The following RAP1GDS1 variants were observed in gnomAD, a reference collection of about 807,000 sequenced individuals.
The protein encoded by RAP1GDS1 is Rap1 GTPase-GDP dissociation stimulator 1.
RAP1GDS1 carries 35 observed loss-of-function variants against 71.1 expected under a neutral mutation model. That is an observed-to-expected ratio of 0.49 (90% CI 0.38 to 0.65). RAP1GDS1 has a LOEUF of 0.65. RAP1GDS1 is among the 30% of genes least tolerant of loss of function. The pLI, the probability that RAP1GDS1 is intolerant of heterozygous loss-of-function variation, is 0.00. For missense variants in RAP1GDS1, 663 were observed against 706.1 expected, an observed-to-expected ratio of 0.94 and a Z score of 0.69; for synonymous variants, 229 against 243.1, an observed-to-expected ratio of 0.94 and a Z score of 0.54.
At chr4:98,365,934 A>G (rs1250174305) in intron 4 of RAP1GDS1, among the ~76,000 whole-genome samples, 1 of 152,222 alleles carries the variant, frequency 6.6e-6, no homozygotes, top group African/African-American at 2.4e-5. Context: ...GTCTTTAGTG[A>G]CCAGAGAAAC....
At position 98,395,102 on chromosome 4, in the gene RAP1GDS1, A is replaced by G. The variant is rs533726172; in HGVS notation, c.637+3022A>G. Among the ~76,000 whole-genome samples, 174 of 152,294 alleles carry G rather than the reference A, an allele frequency of 1.1e-3. 1 individual carries two copies. In the South Asian group the frequency reaches 0.018, roughly 16 times the overall value. On this transcript the variant is annotated intron_variant, in intron 6 of 14. Coordinates refer to ENST00000408927, the MANE Select transcript of RAP1GDS1 (RefSeq NM_001100427.2). Reference sequence around the variant, plus strand: ...AATCATTTGGAAGGCAGTCTTTTGTATTAGAGAAAAATAATTCTTGATGTA... The same window carrying G: ...AATCATTTGGAAGGCAGTCTTTTGTGTTAGAGAAAAATAATTCTTGATGTA...
intron 2 of RAP1GDS1, among the ~76,000 whole-genome samples, chr4:98,327,164 A>G (rs189437953): frequency 2.0e-5 from 3 of 152,316 alleles, no homozygotes; most frequent in Admixed American, 6.5e-5. Context: ...TTAAAAATCT[A>G]AAGTACAGTA....
intron 5 of RAP1GDS1, among the ~76,000 whole-genome samples, chr4:98,380,056 G>A (rs888318115): frequency 6.7e-6 from 1 of 150,034 alleles, no homozygotes; most frequent in Non-Finnish European, 1.5e-5. Context: ...TATAGTTGTG[G>A]GTCCAAAGAA....
At chr4:98,380,900 T>TA (rs1389729602) in intron 5 of RAP1GDS1, among the ~76,000 whole-genome samples, 14 of 150,994 alleles carry the variant, frequency 9.3e-5, no homozygotes, top group East Asian at 5.8e-4. Context: ...AGGAAGCTGT[T>TA]AAAAAAAAAT....
intron 5 of RAP1GDS1, chr4:98,387,560 G>A: frequency 6.9e-6 from 3 of 436,950 alleles, no homozygotes; most frequent in Non-Finnish European, 1.4e-5. Context: ...CTTTGTATAT[G>A]CATCTGTATT....
At chr4:98,344,934 C>T (rs896066763) in intron 3 of RAP1GDS1, among the ~76,000 whole-genome samples, 2 of 152,178 alleles carry the variant, frequency 1.3e-5, no homozygotes, top group Non-Finnish European at 2.9e-5. Context: ...AAGCAATCCT[C>T]CTATCTCAGC....
chr4:98,393,117 C>T (rs1578710434), intron 6 of RAP1GDS1, among the ~76,000 whole-genome samples: 1 of 152,084 alleles, frequency 6.6e-6, no homozygotes, highest in African/African-American at 2.4e-5. Flanking sequence ...AGCTAAATAC[C>T]GTAGTTACAA....
intron 14 of RAP1GDS1, among the ~76,000 whole-genome samples, chr4:98,437,791 CAAAA>C (rs374755985): frequency 8.0e-6 from 1 of 124,860 alleles, no homozygotes; most frequent in Non-Finnish European, 1.7e-5. Context: ...GACTCTGTCT[CAAAA>C]AAAAAAAAAA....
chr4:98,408,393 A>T (rs1746478999), intron 7 of RAP1GDS1, among the ~76,000 whole-genome samples: 1 of 152,190 alleles, frequency 6.6e-6, no homozygotes, highest in East Asian at 1.9e-4. Context: ...TTGGCCTCCC[A>T]AAATACTGGG....
At chr4:98,331,836 A>C (rs1172090961) in intron 2 of RAP1GDS1, among the ~76,000 whole-genome samples, 1 of 152,228 alleles carries the variant, frequency 6.6e-6, no homozygotes, top group Non-Finnish European at 1.5e-5. Context: ...CAAAAGGTTC[A>C]AAACACTTGA....
intron 2 of RAP1GDS1, among the ~76,000 whole-genome samples, chr4:98,306,829 G>A (rs964640694): frequency 1.4e-4 from 22 of 152,070 alleles, no homozygotes; most frequent in Admixed American, 1.0e-3. Context: ...GGTTCTATTC[G>A]CTCTAGAAAG....
chr4:98,429,492 A>C (rs1750099320), intron 12 of RAP1GDS1, among the ~76,000 whole-genome samples: 1 of 152,080 alleles, frequency 6.6e-6, no homozygotes, highest in Non-Finnish European at 1.5e-5. Flanking sequence ...TTGGGGACTT[A>C]GGGGTAAAGG....
chr4:98,277,285 G>A (rs1169363305), intron 1 of RAP1GDS1, among the ~76,000 whole-genome samples: 3 of 152,080 alleles, frequency 2.0e-5, no homozygotes, highest in Non-Finnish European at 4.4e-5. Context: ...CTGCTCCCCA[G>A]TCCTTTCTAT....
intron 14 of RAP1GDS1, among the ~76,000 whole-genome samples, chr4:98,439,734 T>C (rs1035063968): frequency 6.6e-6 from 1 of 152,250 alleles, no homozygotes; most frequent in African/African-American, 2.4e-5. Flanking sequence ...TATATTTTAG[T>C]TAAAAATTTC....
intron 1 of RAP1GDS1, among the ~76,000 whole-genome samples, chr4:98,263,648 CTTA>C (rs1356208564): frequency 1.3e-5 from 2 of 152,166 alleles, no homozygotes; most frequent in African/African-American, 4.8e-5. Context: ...TGAAAAGTGT[CTTA>C]TTATTTTTTG....
At chr4:98,335,905 G>T (rs1308847109) in intron 2 of RAP1GDS1, among the ~76,000 whole-genome samples, 1 of 151,026 alleles carries the variant, frequency 6.6e-6, no homozygotes, top group Admixed American at 6.6e-5. Context: ...AGATTCCTTG[G>T]ATTACTCATT....
chr4:98,430,844 C>T (rs1750292546), intron 12 of RAP1GDS1, among the ~76,000 whole-genome samples: 1 of 152,216 alleles, frequency 6.6e-6, no homozygotes, highest in South Asian at 2.1e-4. Flanking sequence ...ATACCTCACC[C>T]TGAATTCCGT....
chr4:98,407,148 C>T (rs1035813865), intron 7 of RAP1GDS1, among the ~76,000 whole-genome samples: 2 of 152,152 alleles, frequency 1.3e-5, no homozygotes, highest in African/African-American at 4.8e-5. Flanking sequence ...TGTGAATATG[C>T]TCATAGTAGT....
At chr4:98,345,417 T>C (rs1475346979) in intron 3 of RAP1GDS1, among the ~76,000 whole-genome samples, 1 of 152,142 alleles carries the variant, frequency 6.6e-6, no homozygotes, top group Non-Finnish European at 1.5e-5. Context: ...CATTCAAAAT[T>C]TAGAGGATTT....
Sources: gnomAD v4.1 joint callset for allele counts (sites outside exome capture counted in the v4.1 genomes callset) on GRCh38, gnomAD v4.1.1 for gene constraint, MANE v1.5 for transcripts, NCBI Gene and HGNC (gene_info 2026-07-23, HGNC 2026-07-21) for gene names.